The following SLC25A23 variants were observed in gnomAD, a reference collection of about 807,000 sequenced individuals.
SLC25A23 encodes mitochondrial adenyl nucleotide antiporter SLC25A23.
SLC25A23 carries 32 observed loss-of-function variants against 53.9 expected under a neutral mutation model. That is an observed-to-expected ratio of 0.59 (90% CI 0.45 to 0.80). The LOEUF (loss-of-function observed/expected upper bound fraction) is 0.80, where lower values mean the gene tolerates loss of function less well. Ranked by LOEUF, SLC25A23 falls within the 30% of genes least tolerant of loss-of-function variation. The probability of loss-of-function intolerance (pLI) is 0.00; values close to 1 mark genes in which losing one functional copy is unlikely to be tolerated. For missense variants in SLC25A23, 575 were observed against 651.4 expected (o/e 0.88, Z 1.28); for synonymous variants, 275 against 264.5 (o/e 1.04, Z -0.38).
At chr19:6,439,785 G>A (rs749477634), downstream of SLC25A23, among the ~76,000 whole-genome samples, 6 of 152,098 alleles carry the variant, frequency 3.9e-5, no homozygotes, top group Admixed American at 6.6e-5. Flanking sequence ...AGCTGAGACC[G>A]TGCCACTGCC....
intron 8 of SLC25A23, among the ~76,000 whole-genome samples, chr19:6,449,577 G>A (rs2092557703): frequency 6.6e-6 from 1 of 152,056 alleles, no homozygotes; most frequent in East Asian, 1.9e-4. Flanking sequence ...ACCATGCCTG[G>A]CTAATTTTTT....
intron 9 of SLC25A23, chr19:6,443,648 C>T (rs1381647055): frequency 4.3e-6 from 3 of 698,774 alleles, no homozygotes; most frequent in Non-Finnish European, 5.2e-6. Context: ...GTCTTGTACA[C>T]TGACACATCT....
chr19:6,450,002 T>G (rs1383594475), intron 8 of SLC25A23, among the ~76,000 whole-genome samples: 1 of 151,324 alleles, frequency 6.6e-6, no homozygotes, highest in African/African-American at 2.4e-5. Flanking sequence ...GGATTATAGG[T>G]GCCCACCACC....
intron 9 of SLC25A23, among the ~76,000 whole-genome samples, chr19:6,443,001 C>T (rs962084934): frequency 3.4e-5 from 5 of 146,566 alleles, no homozygotes; most frequent in Admixed American, 1.4e-4. Context: ...TGCGATGGCA[C>T]GAACTTGGCT....
Position 6,442,179 on chromosome 19 carries a change from G to GGGGGGGGGGGGGGGC in SLC25A23, c.1223-21_1223-20insGCCCCCCCCCCCCCC. 6.9e-7 allele frequency: 1 copy of GGGGGGGGGGGGGGGC among 1,456,842 alleles called. No individual in the cohort carries two copies. Among genetic ancestry groups the GGGGGGGGGGGGGGGC allele is most frequent in the African/African-American group, 1.5e-5 (1 of 65,856 alleles). The allele number at this position is 1,456,842 out of a possible 1,614,324, so 90.2% of individuals were successfully genotyped here. Reference sequence around the variant, plus strand: ...TGGAGGCTGGGAGGGGGCGGGGGGGGCACCAGGTAAGGCCAACGTTCCCCT... The same window carrying GGGGGGGGGGGGGGGC: ...TGGAGGCTGGGAGGGGGCGGGGGGGGGGGGGGGGGGGGGGCCACCAGGTAAGGCCAACGTTCCCCT... On this transcript the variant is annotated intron_variant, in intron 9 of 9. Coordinates refer to ENST00000301454, the MANE Select transcript of SLC25A23 (RefSeq NM_024103.3).
At chr19:6,445,361 G>A (rs576690867) in intron 8 of SLC25A23, among the ~76,000 whole-genome samples, 1 of 151,866 alleles carries the variant, frequency 6.6e-6, no homozygotes, top group East Asian at 1.9e-4. Flanking sequence ...CACCTGCCTC[G>A]GTCTCCCAAA....
At chr19:6,452,623 T>A in intron 7 of SLC25A23, 144 bp from the exon 8 acceptor site, 1 of 974,956 alleles carries the variant, frequency 1.0e-6, no homozygotes, top group Non-Finnish European at 1.5e-6. Context: ...TAGAATCTTC[T>A]GCTATCCCCA....
downstream of SLC25A23, chr19:6,436,220 G>A (rs1391101279): frequency 2.1e-5 from 6 of 280,498 alleles, no homozygotes; most frequent in South Asian, 1.0e-4. Flanking sequence ...CCGCTGAGCC[G>A]GCTGTTCCCG....
chr19:6,439,549 C>CCGGG (rs1438952598), downstream of SLC25A23, among the ~76,000 whole-genome samples: 16 of 152,150 alleles, frequency 1.1e-4, 1 homozygote, highest in African/African-American at 3.9e-4. Context: ...AATACAGAGG[C>CCGGG]CGGGCGTGGT....
chr19:6,458,923 C>T (rs1243743169), intron 1 of SLC25A23, among the ~76,000 whole-genome samples: 1 of 152,172 alleles, frequency 6.6e-6, no homozygotes, highest in East Asian at 1.9e-4. Context: ...GAGGTGGGGG[C>T]AGCGGGAGGA....
chr19:6,446,922 C>A (rs753652192), intron 8 of SLC25A23, among the ~76,000 whole-genome samples: 1 of 151,558 alleles, frequency 6.6e-6, no homozygotes. Context: ...GAGACACACA[C>A]GGAGAAAGAC....
At chr19:6,457,096 C>T (rs2092693271) in intron 3 of SLC25A23, among the ~76,000 whole-genome samples, 1 of 146,632 alleles carries the variant, frequency 6.8e-6, no homozygotes, top group African/African-American at 2.5e-5. Flanking sequence ...GAAGGAGTCT[C>T]ACTCCGTCAC....
chr19:6,452,803 C>A (rs2092611465), intron 7 of SLC25A23, among the ~76,000 whole-genome samples: 1 of 152,186 alleles, frequency 6.6e-6, no homozygotes, highest in South Asian at 2.1e-4. Flanking sequence ...ATCCTCCCCT[C>A]TCCATCTCCC....
chr19:6,452,649 A>G (rs1599329363), intron 7 of SLC25A23, 170 bp from the exon 8 acceptor site: 8 of 702,298 alleles, frequency 1.1e-5, no homozygotes, highest in Non-Finnish European at 1.8e-5. Flanking sequence ...CTATACCTAG[A>G]AATAGTTACA....
downstream of SLC25A23, among the ~76,000 whole-genome samples, chr19:6,437,219 G>A (rs1398056390): frequency 6.6e-6 from 1 of 152,038 alleles, no homozygotes; most frequent in African/African-American, 2.4e-5. Flanking sequence ...TGTTGCCCAG[G>A]CTGGTCTCAA....
chr19:6,447,552 C>T (rs1360242691), intron 8 of SLC25A23, among the ~76,000 whole-genome samples: 2 of 152,210 alleles, frequency 1.3e-5, no homozygotes, highest in Non-Finnish European at 2.9e-5. Flanking sequence ...GGCACCATCT[C>T]GGCTCACTGC....
downstream of SLC25A23, among the ~76,000 whole-genome samples, chr19:6,437,572 G>A (rs551760022): frequency 6.6e-6 from 1 of 152,262 alleles, no homozygotes; most frequent in East Asian, 1.9e-4. Context: ...CACTTTGGGA[G>A]GCTGAGGCAG....
At chr19:6,455,992 T>G in intron 4 of SLC25A23, 1 of 1,291,876 alleles carries the variant, frequency 7.7e-7, no homozygotes, top group Non-Finnish European at 1.0e-6. Context: ...GTGCTGGGAT[T>G]TTAGGTGTGA....
rs1385233535 is a variant in SLC25A23, at chr19:6,454,850, C to A, written c.484-133G>T. 3.8e-6 allele frequency: 4 copies of A among 1,049,194 alleles called. No homozygotes were observed. The African/African-American group carries it at 6.5e-5, about 17-fold the overall frequency. 65.0% of individuals were successfully genotyped at this position (1,049,194 alleles called of 1,614,324 possible). ...TGCCAATGACTCTTGCTTGGAGACC[C>A]CAGAAGAGTCCTGTTGGGTCCTACC... On this transcript the variant is annotated intron_variant, in intron 4 of 9. Coordinates refer to ENST00000301454, the MANE Select transcript of SLC25A23 (RefSeq NM_024103.3). This position sits in a 1 kb window ranked among gnomAD's most constrained non-coding sequence, Gnocchi z 4.3.
Sources: gnomAD v4.1 joint callset for allele counts (sites outside exome capture counted in the v4.1 genomes callset) on GRCh38, gnomAD v4.1.1 for gene constraint, Gnocchi (gnomAD v3.1) non-coding constraint, MANE v1.5 for transcripts, NCBI Gene and HGNC (gene_info 2026-07-23, HGNC 2026-07-21) for gene names.